The following LUZP2 variants were observed in gnomAD, a reference collection of about 807,000 sequenced individuals.
LUZP2 encodes the protein leucine zipper protein 2.
In LUZP2, 52 loss-of-function variants were observed where a neutral mutation model predicts 51.6. The ratio of observed to expected loss-of-function variants is 1.01; its 90% CI spans 0.81 to 1.27. LUZP2 has a LOEUF of 1.27. LUZP2 is among the 50% of genes most tolerant of loss of function. The probability of loss-of-function intolerance (pLI) is 0.00; values close to 1 mark genes in which losing one functional copy is unlikely to be tolerated. For synonymous variants in LUZP2, 154 were observed against 137.3 expected (o/e 1.12, Z -0.85); for missense variants, 436 against 395.4 (o/e 1.10, Z -0.87).
intron 5 of LUZP2, among the ~76,000 whole-genome samples, chr11:24,787,898 C>T (rs532530115): frequency 6.6e-6 from 1 of 152,234 alleles, no homozygotes; most frequent in African/African-American, 2.4e-5. Flanking sequence ...GTCACTGGGA[C>T]TACAGGTGTG....
intron 1 of LUZP2, among the ~76,000 whole-genome samples, chr11:24,651,376 A>G (rs1855618998): frequency 6.6e-6 from 1 of 152,146 alleles, no homozygotes; most frequent in Non-Finnish European, 1.5e-5. Context: ...GAGCTTAAAC[A>G]CATATGGACA....
At chr11:24,617,145 G>C (rs1331977395) in intron 1 of LUZP2, among the ~76,000 whole-genome samples, 2 of 151,998 alleles carry the variant, frequency 1.3e-5, no homozygotes, top group African/African-American at 4.8e-5. Flanking sequence ...GTGAGGCTAT[G>C]CTATTTTTTC....
Position 24,616,267 on chromosome 11 carries a change from G to A in LUZP2, c.63-112902G>A, listed in dbSNP as rs185631733. Among the ~76,000 whole-genome samples the A allele has an allele frequency of 4.0e-3, 610 of 151,660 alleles. 4 individuals carry two copies. Among genetic ancestry groups the A allele is most frequent in the African/African-American group, 0.014 (563 of 41,346 alleles). On this transcript the variant is annotated intron_variant, in intron 1 of 11. Transcript: ENST00000336930. ...AATAGTTTTGATGCCAATTCTCTGC[G>A]TAGCCATAGATCCAGAAGATTTCAC...
intron 7 of LUZP2, among the ~76,000 whole-genome samples, chr11:24,974,286 G>GT (rs1430054046): frequency 6.6e-6 from 1 of 151,962 alleles, no homozygotes; most frequent in Non-Finnish European, 1.5e-5. Context: ...CATTTGCTTG[G>GT]TAAATTTTCC....
intron 10 of LUZP2, among the ~76,000 whole-genome samples, chr11:25,074,549 A>G (rs149885510): frequency 1.3e-3 from 192 of 152,266 alleles, no homozygotes; most frequent in African/African-American, 4.3e-3. Context: ...CATTAATGAA[A>G]TATATTGCAT....
chr11:24,743,685 T>G (rs560670228), intron 4 of LUZP2, among the ~76,000 whole-genome samples: 35 of 152,232 alleles, frequency 2.3e-4, no homozygotes, highest in African/African-American at 8.4e-4. Flanking sequence ...ATTTATTTCT[T>G]TCTCTTTTCT....
chr11:24,523,627 C>T (rs1339486122), intron 1 of LUZP2, among the ~76,000 whole-genome samples: 3 of 151,130 alleles, frequency 2.0e-5, no homozygotes, highest in Admixed American at 2.0e-4. Context: ...GACTATTTAG[C>T]TCTAAATCAA....
intron 7 of LUZP2, among the ~76,000 whole-genome samples, chr11:24,935,291 A>G (rs1854558117): frequency 6.6e-6 from 1 of 152,178 alleles, no homozygotes; most frequent in Admixed American, 6.5e-5. Context: ...GTAAATATTG[A>G]ACAGTGATGC....
intron 4 of LUZP2, among the ~76,000 whole-genome samples, chr11:24,757,611 C>T (rs1026925647): frequency 1.3e-5 from 2 of 151,686 alleles, no homozygotes; most frequent in Non-Finnish European, 1.5e-5. Context: ...AAAGACTAGA[C>T]AAAAAACAAT....
intron 1 of LUZP2, among the ~76,000 whole-genome samples, chr11:24,538,084 C>G (rs148682662): frequency 6.6e-6 from 1 of 151,846 alleles, no homozygotes; most frequent in Non-Finnish European, 1.5e-5. Context: ...CATGCACACA[C>G]CGCAAGATGT....
Position 25,010,917 on chromosome 11 carries a change from T to A in LUZP2, c.765+27624T>A, listed in dbSNP as rs1173105337. Among the ~76,000 whole-genome samples, 3 of 152,116 alleles carry A rather than the reference T, an allele frequency of 2.0e-5. No homozygotes were observed. In the South Asian group the frequency reaches 6.2e-4, roughly 31 times the overall value. ...AGGAAGGATTGAATGAAATAATACA[T>A]ATCCAGCAAAGTCACAAGTACTCCC... On this transcript the variant is annotated intron_variant, in intron 9 of 11. Coordinates refer to ENST00000336930, the MANE Select transcript of LUZP2 (RefSeq NM_001009909.4).
At chr11:24,502,394 G>GTTT (rs1850023054) in intron 1 of LUZP2, among the ~76,000 whole-genome samples, 1 of 151,538 alleles carries the variant, frequency 6.6e-6, no homozygotes, top group African/African-American at 2.4e-5. Flanking sequence ...TTGTTTGTTT[G>GTTT]TTTGTTTTTG....
chr11:24,685,281 A>G (rs1856864418), intron 1 of LUZP2, among the ~76,000 whole-genome samples: 1 of 152,094 alleles, frequency 6.6e-6, no homozygotes, highest in Non-Finnish European at 1.5e-5. Context: ...TTTGCACATT[A>G]CAGATTGATG....
At position 24,732,144 on chromosome 11, in the gene LUZP2, C is replaced by T. The variant is rs1442576020; in HGVS notation, c.207C>T (p.Ala69=). Residue 69 remains alanine, a synonymous_variant, in exon 3 of 12, where the codon GCC becomes GCT. Transcript: ENST00000336930. ...CCTTAAAAAACGATGAGCAGTCTGCCAAAACTGATGTTCAGAAACTTCTGG... is the reference window on the plus strand; with the variant it reads ...CCTTAAAAAACGATGAGCAGTCTGCTAAAACTGATGTTCAGAAACTTCTGG... ...LQSLKNDEQS[A]KTDVQKLLEL... 1.9e-6 allele frequency: 3 copies of T among 1,609,320 alleles called. No individual in the cohort carries two copies. In the South Asian group the frequency reaches 3.3e-5, roughly 18 times the overall value.
At chr11:24,645,234 T>A (rs1158425622) in intron 1 of LUZP2, among the ~76,000 whole-genome samples, 2 of 152,146 alleles carry the variant, frequency 1.3e-5, no homozygotes, top group Non-Finnish European at 2.9e-5. Flanking sequence ...GTCAGGTCTT[T>A]AACAATCCCC....
intron 7 of LUZP2, among the ~76,000 whole-genome samples, chr11:24,946,010 T>G (rs1310403129): frequency 1.3e-5 from 2 of 152,044 alleles, no homozygotes; most frequent in Non-Finnish European, 2.9e-5. Flanking sequence ...GATAGTCTAA[T>G]TTTTGTCCCT....
At chr11:24,942,717 C>T (rs1019975968) in intron 7 of LUZP2, among the ~76,000 whole-genome samples, 3 of 151,912 alleles carry the variant, frequency 2.0e-5, no homozygotes, top group African/African-American at 7.3e-5. Context: ...GGAAAAAAAA[C>T]TTTTATTTTT....
intron 9 of LUZP2, among the ~76,000 whole-genome samples, chr11:25,000,505 C>G (rs954172929): frequency 6.6e-6 from 1 of 152,124 alleles, no homozygotes; most frequent in Non-Finnish European, 1.5e-5. Context: ...TATAAGACCA[C>G]CTGTAGCTTG....
chr11:24,926,236 T>TATACGTGTATATATATAC (rs1565118500), intron 7 of LUZP2, among the ~76,000 whole-genome samples: 5 of 145,764 alleles, frequency 3.4e-5, no homozygotes, highest in Admixed American at 2.1e-4. Context: ...TATATATATA[T>TATACGTGTATATATATAC]GTGTGTGTAT....
Sources: gnomAD v4.1 joint callset for allele counts (sites outside exome capture counted in the v4.1 genomes callset) on GRCh38, gnomAD v4.1.1 for gene constraint, MANE v1.5 for transcripts, NCBI Gene and HGNC (gene_info 2026-07-23, HGNC 2026-07-21) for gene names.